Variants in ARHGAP21 observed in about 807,000 individuals in gnomAD.
ARHGAP21 encodes the protein Rho GTPase activating protein 21.
In ARHGAP21, 38 loss-of-function variants were observed where a neutral mutation model predicts 164.6. That is an observed-to-expected ratio of 0.23 (90% CI 0.18 to 0.30). The LOEUF (loss-of-function observed/expected upper bound fraction) is 0.30, where lower values mean the gene tolerates loss of function less well. Ranked by LOEUF, ARHGAP21 falls within the 10% of genes least tolerant of loss-of-function variation. The probability of loss-of-function intolerance (pLI) is 1.00; values close to 1 mark genes in which losing one functional copy is unlikely to be tolerated. For missense variants in ARHGAP21, 1,822 were observed against 2,370.7 expected (o/e 0.77, Z 4.81); for synonymous variants, 766 against 857.9 (o/e 0.89, Z 1.87).
intron 2 of ARHGAP21, among the ~76,000 whole-genome samples, chr10:24,671,504 C>T (rs917211209): frequency 6.6e-6 from 1 of 152,028 alleles, no homozygotes; most frequent in African/African-American, 2.4e-5. Flanking sequence ...AACCTGCAAC[C>T]GTGCCCATGT....
chr10:24,683,097 A>G (rs1403868826), intron 2 of ARHGAP21, among the ~76,000 whole-genome samples: 1 of 79,874 alleles, frequency 1.3e-5, no homozygotes. Context: ...CTCCATCTCA[A>G]AAAAAAAAAA....
intron 4 of ARHGAP21, among the ~76,000 whole-genome samples, chr10:24,658,267 C>T (rs866771760): frequency 2.6e-5 from 4 of 152,112 alleles, no homozygotes; most frequent in Admixed American, 6.5e-5. Flanking sequence ...GACAGTGTGG[C>T]GATTCCTTAA....
chr10:24,584,987 G>C lies in ARHGAP21; in HGVS notation c.5302C>G (p.Arg1768Gly). 1.2e-6 allele frequency: 2 copies of C among 1,613,940 alleles called. No individual in the cohort carries two copies. Among genetic ancestry groups the C allele is most frequent in the Non-Finnish European group, 1.7e-6 (2 of 1,179,868 alleles). Residue 1768 changes from arginine to glycine, a missense_variant, in exon 26 of 26, where the codon CGG becomes GGG. Arg to Gly is a moderately radical substitution (Grantham distance 125). This residue lies in a region of ARHGAP21 where 117 missense variants were observed against 193.2 expected (regional missense o/e 0.61). Coordinates refer to ENST00000396432, the MANE Select transcript of ARHGAP21 (RefSeq NM_020824.4). ...GGGGCTCTGGGTCTCAGTTTTAACC[G>C]ATCTGCTATTTTCGTTTTCCATGTG... ...EPTWKTKIAD[R>G]LKLRPRAPAD... is the part of the protein sequence containing the mutation.
At chr10:24,622,467 T>C (rs919368084) in intron 8 of ARHGAP21, among the ~76,000 whole-genome samples, 4 of 106,654 alleles carry the variant, frequency 3.8e-5, no homozygotes, top group African/African-American at 1.5e-4. Context: ...TATATATATA[T>C]ATATATATAT....
intron 11 of ARHGAP21, chr10:24,605,658 A>AAAT (rs1188538888): frequency 6.6e-6 from 1 of 152,174 alleles, no homozygotes; most frequent in Admixed American, 6.5e-5. Context: ...CAAAAAAGAC[A>AAAT]AATAGTTCTT....
At chr10:24,717,206 G>A (rs1470161975) in intron 2 of ARHGAP21, among the ~76,000 whole-genome samples, 1 of 152,214 alleles carries the variant, frequency 6.6e-6, no homozygotes, top group Non-Finnish European at 1.5e-5. Flanking sequence ...CAAAGAGACA[G>A]AAGGAGGTGA....
At chr10:24,616,329 G>GC (rs1705881550) in intron 9 of ARHGAP21, among the ~76,000 whole-genome samples, 1 of 152,174 alleles carries the variant, frequency 6.6e-6, no homozygotes, top group South Asian at 2.1e-4. Flanking sequence ...GGTGCTCATT[G>GC]CATCGTCCTG....
intron 2 of ARHGAP21, among the ~76,000 whole-genome samples, chr10:24,697,325 TG>T (rs1843261164): frequency 6.6e-6 from 1 of 151,700 alleles, no homozygotes; most frequent in South Asian, 2.1e-4. Flanking sequence ...AATAGAGGGA[TG>T]AATTTCAGCA....
chr10:24,674,252 A>G (rs36040107), intron 2 of ARHGAP21, among the ~76,000 whole-genome samples: 44,333 of 151,700 alleles, frequency 0.29, 6,654 homozygotes, highest in East Asian at 0.33. Context: ...TTAGCCAGGT[A>G]GCTGGGCACA....
chr10:24,620,612 A>G lies in ARHGAP21; in HGVS notation c.1283T>C (p.Val428Ala), dbSNP rs1834446773. 2 of 1,614,200 alleles carry G rather than the reference A, an allele frequency of 1.2e-6. No homozygotes were observed. Among genetic ancestry groups the G allele is most frequent in the Admixed American group, 1.7e-5 (1 of 60,020 alleles). Residue 428 changes from valine (V) to alanine (A), a missense_variant, in exon 9 of 26, where the codon GTC (valine) becomes GCC (alanine). Transcript: ENST00000396432. ...ASQSTTDYNQ[V>A]VPNRTTLQGR... ...CTGCAAAGTAGTGCGGTTGGGGACG[A>G]CCTGGTTATAATCTGTCGTGCTTTG...
chr10:24,610,254 G>A (rs550909460), intron 9 of ARHGAP21, among the ~76,000 whole-genome samples: 1 of 152,128 alleles, frequency 6.6e-6, no homozygotes, highest in East Asian at 1.9e-4. Flanking sequence ...GTGCGCGCCT[G>A]TAGTCCCAGC....
chr10:24,616,875 G>A (rs776273535), intron 9 of ARHGAP21, among the ~76,000 whole-genome samples: 3 of 152,108 alleles, frequency 2.0e-5, no homozygotes, highest in Admixed American at 6.6e-5. Context: ...ATAAAGTGGG[G>A]GGTGGGAACA....
intron 7 of ARHGAP21, among the ~76,000 whole-genome samples, chr10:24,625,299 G>GCAAAA (rs768183583): frequency 4.6e-4 from 25 of 53,784 alleles, no homozygotes; most frequent in East Asian, 1.3e-3. Context: ...ATGAAACAGA[G>GCAAAA]AAAAAAAAAA....
At chr10:24,625,691 C>T (rs532662613) in intron 7 of ARHGAP21, among the ~76,000 whole-genome samples, 29 of 152,314 alleles carry the variant, frequency 1.9e-4, no homozygotes, top group African/African-American at 6.3e-4. Flanking sequence ...CCTACATGTA[C>T]ACTTGACAAA....
At chr10:24,606,307 A>ATGTT (rs911644098) in intron 11 of ARHGAP21, among the ~76,000 whole-genome samples, 3 of 152,154 alleles carry the variant, frequency 2.0e-5, no homozygotes, top group African/African-American at 7.2e-5. Flanking sequence ...TCACAGAAAA[A>ATGTT]TGTTAGCTTT....
chr10:24,595,353 T>C (rs2076533036), intron 19 of ARHGAP21, among the ~76,000 whole-genome samples, 163 bp from the exon 20 acceptor site: 1 of 152,166 alleles, frequency 6.6e-6, no homozygotes, highest in Non-Finnish European at 1.5e-5. Context: ...AACCATCCTA[T>C]ATTTACACAG....
chr10:24,595,802 G>A lies in ARHGAP21; in HGVS notation c.3634-7C>T. 1 of 1,612,512 alleles carries A rather than the reference G, an allele frequency of 6.2e-7. No homozygotes were observed. Among genetic ancestry groups the A allele is most frequent in the Non-Finnish European group, 8.5e-7 (1 of 1,179,326 alleles). ...CATTCAAATCTCGCCATTTCTAGGT[G>A]TACAAAATAGAAATATAGTATTTTC... On this transcript the variant is annotated splice_polypyrimidine_tract_variant and splice_region_variant and intron_variant, in intron 18 of 25. Transcript: ENST00000396432.
intron 4 of ARHGAP21, among the ~76,000 whole-genome samples, chr10:24,654,707 T>C (rs1347719799): frequency 6.6e-6 from 1 of 152,316 alleles, no homozygotes; most frequent in Non-Finnish European, 1.5e-5. Context: ...AAGTAATTTA[T>C]AGATTCAATG....
At chr10:24,665,735 G>C (rs952050997) in intron 4 of ARHGAP21, among the ~76,000 whole-genome samples, 1 of 152,184 alleles carries the variant, frequency 6.6e-6, no homozygotes, top group Admixed American at 6.5e-5. Flanking sequence ...ACTTACAATA[G>C]ATGCAAATGT....
Sources: gnomAD v4.1 joint callset for allele counts (sites outside exome capture counted in the v4.1 genomes callset) on GRCh38, gnomAD v4.1.1 for gene constraint, gnomAD v4.1.1 regional missense constraint, MANE v1.5 for transcripts, NCBI Gene and HGNC (gene_info 2026-07-23, HGNC 2026-07-21) for gene names.